The following CCDC192 variants were observed in gnomAD, a reference collection of about 807,000 sequenced individuals.
CCDC192 encodes the protein coiled-coil domain-containing protein 192.
chr5:127,886,411 G>A (rs1752560577), intron 6 of CCDC192, among the ~76,000 whole-genome samples: 1 of 152,058 alleles, frequency 6.6e-6, no homozygotes. Flanking sequence ...AACAACATAG[G>A]TTTGCATTGT....
At chr5:127,936,275 T>C (rs1156704053) in intron 6 of CCDC192, among the ~76,000 whole-genome samples, 1 of 152,236 alleles carries the variant, frequency 6.6e-6, no homozygotes, top group Non-Finnish European at 1.5e-5. Context: ...TTATTATTAG[T>C]CATTTTTGAT....
intron 5 of CCDC192, among the ~76,000 whole-genome samples, chr5:127,810,712 C>T (rs552647658): frequency 3.1e-4 from 47 of 152,286 alleles, no homozygotes; most frequent in African/African-American, 8.7e-4. Context: ...TAATAAATGT[C>T]CTCACTAATA....
chr5:127,719,731 G>A (rs1051257648), intron 2 of CCDC192, among the ~76,000 whole-genome samples: 1 of 150,276 alleles, frequency 6.7e-6, no homozygotes, highest in East Asian at 2.0e-4. Flanking sequence ...TCTGCTCATG[G>A]TTCTACAGAA....
intron 5 of CCDC192, among the ~76,000 whole-genome samples, chr5:127,818,488 G>T (rs1471182171): frequency 6.6e-6 from 1 of 152,144 alleles, no homozygotes; most frequent in Non-Finnish European, 1.5e-5. Flanking sequence ...TCATTCTAAT[G>T]TGCAACCAAA....
intron 6 of CCDC192, among the ~76,000 whole-genome samples, chr5:127,915,329 G>A (rs946102138): frequency 7.9e-5 from 12 of 152,164 alleles, no homozygotes; most frequent in South Asian, 2.1e-4. Context: ...TGCTGCCCGC[G>A]GGCCACATAC....
chr5:127,710,284 G>A (rs1751248421), intron 2 of CCDC192, among the ~76,000 whole-genome samples: 1 of 152,178 alleles, frequency 6.6e-6, no homozygotes, highest in Non-Finnish European at 1.5e-5. Flanking sequence ...GAACTCAGCA[G>A]AATGGATTCT....
chr5:127,705,912 A>C (rs1172469345), intron 1 of CCDC192, among the ~76,000 whole-genome samples: 1 of 152,192 alleles, frequency 6.6e-6, no homozygotes, highest in East Asian at 1.9e-4. Flanking sequence ...AACTGTGATG[A>C]CCAAGAGTTT....
At chr5:127,735,903 A>G (rs994267054) in intron 2 of CCDC192, among the ~76,000 whole-genome samples, 11 of 133,950 alleles carry the variant, frequency 8.2e-5, no homozygotes, top group Middle Eastern at 3.5e-3. Flanking sequence ...CTCTTTTCCT[A>G]ATTGAATACC....
intron 5 of CCDC192, among the ~76,000 whole-genome samples, chr5:127,871,905 T>C (rs1751880265): frequency 6.6e-6 from 1 of 152,240 alleles, no homozygotes. Context: ...AAAGCCTTCC[T>C]ATCCTTTCAG....
intron 5 of CCDC192, among the ~76,000 whole-genome samples, chr5:127,834,273 G>C (rs1749935236): frequency 6.6e-6 from 1 of 152,132 alleles, no homozygotes; most frequent in African/African-American, 2.4e-5. Flanking sequence ...GAAACTCAAA[G>C]TCCTTTCCCT....
chr5:127,887,212 C>T (rs923117453), intron 6 of CCDC192, among the ~76,000 whole-genome samples: 1 of 151,348 alleles, frequency 6.6e-6, no homozygotes, highest in Admixed American at 6.6e-5. Context: ...GCATGTAATC[C>T]CAGCTACTCT....
chr5:127,897,243 A>T (rs1390771176), intron 6 of CCDC192, among the ~76,000 whole-genome samples: 1 of 152,208 alleles, frequency 6.6e-6, no homozygotes, highest in Non-Finnish European at 1.5e-5. Flanking sequence ...TACCTAAGGC[A>T]ATTTTAAAGT....
chr5:127,725,399 C>T (rs1752263765), intron 2 of CCDC192, among the ~76,000 whole-genome samples: 1 of 152,078 alleles, frequency 6.6e-6, no homozygotes, highest in African/African-American at 2.4e-5. Context: ...TCATGTTATA[C>T]ATGTAATTAA....
At chr5:127,938,271 G>A (rs72792230) in intron 6 of CCDC192, among the ~76,000 whole-genome samples, 27,018 of 152,158 alleles carry the variant, frequency 0.18, 2,790 homozygotes, top group Middle Eastern at 0.28. Flanking sequence ...GTGCATTCAG[G>A]CAAGAAATCA....
At chr5:127,877,160 C>T (rs554684411) in intron 6 of CCDC192, among the ~76,000 whole-genome samples, 4 of 152,100 alleles carry the variant, frequency 2.6e-5, no homozygotes, top group South Asian at 2.1e-4. Context: ...TATATATAAT[C>T]GCAAGGTCTC....
intron 3 of CCDC192, among the ~76,000 whole-genome samples, chr5:127,761,019 C>T (rs935450468): frequency 6.6e-6 from 1 of 152,164 alleles, no homozygotes; most frequent in Non-Finnish European, 1.5e-5. Flanking sequence ...GCAAAAGAAA[C>T]ACTCCGTTCT....
chr5:127,734,559 C>A (rs113143769), intron 2 of CCDC192, among the ~76,000 whole-genome samples: 39,420 of 137,206 alleles, frequency 0.29, 5,962 homozygotes, highest in Middle Eastern at 0.39. Context: ...TAAAAGTGTT[C>A]CTATTTCTCC....
intron 2 of CCDC192, among the ~76,000 whole-genome samples, chr5:127,724,847 C>CAAA (rs71223028): frequency 2.0e-4 from 24 of 120,892 alleles, no homozygotes; most frequent in African/African-American, 7.2e-4. Context: ...GACTCCGTCT[C>CAAA]AAAAAAAAAA....
At chr5:127,850,811 C>T (rs370538163) in intron 5 of CCDC192, among the ~76,000 whole-genome samples, 27 of 152,168 alleles carry the variant, frequency 1.8e-4, no homozygotes, top group South Asian at 1.7e-3. Context: ...ACTAAAAATA[C>T]AAAAATTAGC....
Sources: allele counts gnomAD v4.1 joint callset (sites outside exome capture counted in the v4.1 genomes callset), GRCh38; gene constraint gnomAD v4.1.1; transcripts MANE v1.5; gene names NCBI Gene and HGNC (gene_info 2026-07-23, HGNC 2026-07-21).